CDK5RAP2: variants seen among roughly 807,000 people sequenced by gnomAD.
The protein encoded by CDK5RAP2 is CDK5 regulatory subunit associated protein 2.
Under a neutral mutation model 232.9 loss-of-function variants are expected in CDK5RAP2, and 147 were observed. The observed-to-expected ratio is 0.63, with a 90% confidence interval of 0.55 to 0.72. CDK5RAP2 has a LOEUF of 0.72. Ranked by LOEUF, CDK5RAP2 falls within the 30% of genes least tolerant of loss-of-function variation. The pLI is 0.00. For missense variants in CDK5RAP2, 2,195 were observed against 2,231.5 expected, an observed-to-expected ratio of 0.98 and a Z score of 0.33; for synonymous variants, 833 against 833.7, an observed-to-expected ratio of 1.00 and a Z score of 0.01.
intron 18 of CDK5RAP2, among the ~76,000 whole-genome samples, chr9:120,466,646 G>T (rs2037394883): frequency 6.6e-6 from 1 of 152,088 alleles, no homozygotes; most frequent in African/African-American, 2.4e-5. Flanking sequence ...AATCATACTT[G>T]TTTCTCCCTA....
At chr9:120,457,852 A>AT (rs1201115276) in intron 20 of CDK5RAP2, among the ~76,000 whole-genome samples, 7 of 152,220 alleles carry the variant, frequency 4.6e-5, no homozygotes, top group East Asian at 1.9e-4. Context: ...GCACTGAGAG[A>AT]TAAAACCACA....
At chr9:120,533,797 T>TTAAAA (rs1554775540) in intron 7 of CDK5RAP2, among the ~76,000 whole-genome samples, 1 of 52,716 alleles carries the variant, frequency 1.9e-5, no homozygotes, top group African/African-American at 7.2e-5. Flanking sequence ...AGACTCCATC[T>TTAAAA]AAAAAAAAAA....
In CDK5RAP2 at chr9:120,577,424, A is replaced by AG. The variant is rs374532074; in HGVS notation, c.59+2495dup. ...ATGGTGATTGTCAGAGGCTGGGAGA[A>AG]GGGGGGAATAGGGAGTTACTGTTTT... On this transcript the variant is annotated intron_variant, in intron 1 of 37. Transcript: ENST00000349780. Among the ~76,000 whole-genome samples the AG allele has an allele frequency of 5.0e-3, 756 of 152,042 alleles. 7 individuals are homozygous for AG. Among genetic ancestry groups the AG allele is most frequent in the African/African-American group, 0.017 (719 of 41,476 alleles).
chr9:120,465,304 G>A (rs190661613), intron 18 of CDK5RAP2, among the ~76,000 whole-genome samples: 3 of 152,004 alleles, frequency 2.0e-5, no homozygotes, highest in Non-Finnish European at 4.4e-5. Flanking sequence ...CCTCTATATC[G>A]ATTTTCAACC....
intron 14 of CDK5RAP2, 40 bp downstream of exon 14, chr9:120,487,254 A>G (rs1448183544): frequency 6.2e-7 from 1 of 1,608,944 alleles, no homozygotes; most frequent in African/African-American, 1.3e-5. Context: ...AAGTGTATGA[A>G]TCCATTCGCA....
At chr9:120,466,272 A>G (rs1481375011) in intron 18 of CDK5RAP2, among the ~76,000 whole-genome samples, 4 of 151,754 alleles carry the variant, frequency 2.6e-5, no homozygotes, top group African/African-American at 9.7e-5. Flanking sequence ...ATACTCCCAG[A>G]GAACCGCAGG....
chr9:120,509,624 C>T (rs529602343), intron 12 of CDK5RAP2, among the ~76,000 whole-genome samples: 3 of 152,284 alleles, frequency 2.0e-5, no homozygotes, highest in South Asian at 2.1e-4. Flanking sequence ...GAAATTGCTA[C>T]GTTTCTAGTG....
At chr9:120,492,426 T>A (rs879657090) in intron 12 of CDK5RAP2, among the ~76,000 whole-genome samples, 1 of 152,172 alleles carries the variant, frequency 6.6e-6, no homozygotes, top group African/African-American at 2.4e-5. Flanking sequence ...TGACTGCCTA[T>A]AAGGTATAAG....
intron 29 of CDK5RAP2, among the ~76,000 whole-genome samples, chr9:120,410,722 T>C (rs1231086765): frequency 6.6e-6 from 1 of 152,230 alleles, no homozygotes; most frequent in Non-Finnish European, 1.5e-5. Flanking sequence ...TTAGGAAAAG[T>C]GGGATAAGCT....
At chr9:120,576,628 C>T (rs1053669465) in intron 1 of CDK5RAP2, among the ~76,000 whole-genome samples, 6 of 151,886 alleles carry the variant, frequency 4.0e-5, no homozygotes, top group Non-Finnish European at 5.9e-5. Flanking sequence ...CTTGAACCCA[C>T]GAGGCAGAGG....
intron 24 of CDK5RAP2, among the ~76,000 whole-genome samples, chr9:120,438,306 G>A (rs2035702668): frequency 6.6e-6 from 1 of 152,168 alleles, no homozygotes; most frequent in East Asian, 1.9e-4. Context: ...GCTTGGCAAA[G>A]ATGTTGACAC....
At chr9:120,408,768 G>C (rs1231194813) in intron 30 of CDK5RAP2, among the ~76,000 whole-genome samples, 1 of 152,178 alleles carries the variant, frequency 6.6e-6, no homozygotes, top group East Asian at 1.9e-4. Flanking sequence ...TGCTCTGTCC[G>C]GCACAGGCCT....
chr9:120,522,676 C>T (rs570761690), intron 11 of CDK5RAP2, among the ~76,000 whole-genome samples: 141 of 152,328 alleles, frequency 9.3e-4, no homozygotes, highest in Admixed American at 5.9e-3. Context: ...CCAGCCCACA[C>T]TATCACCTTC....
At chr9:120,571,678 T>C (rs1385004348) in intron 2 of CDK5RAP2, 9 of 395,828 alleles carry the variant, frequency 2.3e-5, no homozygotes, top group Non-Finnish European at 4.3e-5. Context: ...GCCAATTCAA[T>C]GTCCAGCCTC....
chr9:120,544,872 G>C (rs185769024), intron 5 of CDK5RAP2, among the ~76,000 whole-genome samples: 7 of 152,276 alleles, frequency 4.6e-5, no homozygotes, highest in African/African-American at 1.4e-4. Context: ...TCTTGGAGTA[G>C]AAGGGTGGAG....
At chr9:120,505,576 G>A (rs1289105414) in intron 12 of CDK5RAP2, among the ~76,000 whole-genome samples, 2 of 152,180 alleles carry the variant, frequency 1.3e-5, no homozygotes, top group Non-Finnish European at 2.9e-5. Context: ...AGTCAATAGA[G>A]CCAAAAGCTA....
chr9:120,533,797 TAAAAAAAA>T (rs147527299), intron 7 of CDK5RAP2, among the ~76,000 whole-genome samples: 2 of 52,716 alleles, frequency 3.8e-5, no homozygotes, highest in African/African-American at 1.4e-4. Context: ...AGACTCCATC[TAAAAAAAA>T]AAAAAAAAAA....
intron 15 of CDK5RAP2, among the ~76,000 whole-genome samples, chr9:120,475,914 G>A (rs151199539): frequency 2.1e-3 from 314 of 152,246 alleles, no homozygotes; most frequent in African/African-American, 6.8e-3. Context: ...AGGCACAGAC[G>A]GCTACAGAAG....
chr9:120,534,245 T>C (rs1223529234), intron 7 of CDK5RAP2, among the ~76,000 whole-genome samples: 8 of 152,188 alleles, frequency 5.3e-5, no homozygotes, highest in African/African-American at 1.9e-4. Context: ...GGCCAGGCTA[T>C]GCACCCTCCT....
Sources: gnomAD v4.1 joint callset for allele counts (sites outside exome capture counted in the v4.1 genomes callset) on GRCh38, gnomAD v4.1.1 for gene constraint, MANE v1.5 for transcripts, NCBI Gene and HGNC (gene_info 2026-07-23, HGNC 2026-07-21) for gene names.